Variants in GALNT1 observed in about 807,000 individuals in gnomAD.
GALNT1 encodes GalNAc transferase 1.
In GALNT1, 17 loss-of-function variants were observed where a neutral mutation model predicts 65.7. The observed-to-expected ratio is 0.26, with a 90% CI of 0.18 to 0.39. The LOEUF is 0.39. GALNT1 is among the 10% of genes least tolerant of loss of function. The pLI is 1.00. For synonymous variants in GALNT1, 210 were observed against 219.7 expected (o/e 0.96, Z 0.39); for missense variants, 460 against 672.8 (o/e 0.68, Z 3.50).
chr18:35,615,485 AG>A (rs1328923124), intron 1 of GALNT1, among the ~76,000 whole-genome samples: 1 of 152,228 alleles, frequency 6.6e-6, no homozygotes, highest in East Asian at 1.9e-4. Context: ...ATAAAATATT[AG>A]AGAGTATTTT....
At chr18:35,685,027 G>A (rs987837506) in intron 5 of GALNT1, among the ~76,000 whole-genome samples, 2 of 152,090 alleles carry the variant, frequency 1.3e-5, no homozygotes, top group African/African-American at 4.8e-5. Flanking sequence ...AGTGGCAGAG[G>A]GGAAACAAAT....
Position 35,645,523 on chromosome 18 carries a change from C to A in GALNT1, c.-103-9037C>A, listed in dbSNP as rs926834317. On this transcript the variant is annotated intron_variant, in intron 1 of 11. Transcript: ENST00000269195. ...GGGATTATAGGCGTGAGCTGCCGCACCTGGCCGGTTTATTTTATATATTCT... is the reference window on the plus strand; with the variant it reads ...GGGATTATAGGCGTGAGCTGCCGCAACTGGCCGGTTTATTTTATATATTCT... Among the ~76,000 whole-genome samples the A allele has an allele frequency of 9.5e-4, 144 of 152,260 alleles. 1 individual carries two copies. The highest frequency in any genetic ancestry group is 3.0e-3 in the African/African-American group (125 of 41,542).
chr18:35,641,645 A>G (rs1214801365), intron 1 of GALNT1, among the ~76,000 whole-genome samples: 2 of 152,198 alleles, frequency 1.3e-5, no homozygotes, highest in African/African-American at 4.8e-5. Context: ...TAAGATACCA[A>G]TTACATCAGA....
At chr18:35,678,104 T>C (rs899721364) in intron 4 of GALNT1, among the ~76,000 whole-genome samples, 19 of 152,332 alleles carry the variant, frequency 1.2e-4, no homozygotes, top group Middle Eastern at 3.4e-3. Flanking sequence ...AGAGAGAGAC[T>C]GGATTCTGCT....
At chr18:35,689,763 CTA>C (rs2047927216) in intron 7 of GALNT1, among the ~76,000 whole-genome samples, 2 of 152,282 alleles carry the variant, frequency 1.3e-5, no homozygotes, top group Admixed American at 1.3e-4. Flanking sequence ...TAAAATGACT[CTA>C]AATTAATTTA....
At chr18:35,676,754 T>C (rs1346185809) in intron 3 of GALNT1, among the ~76,000 whole-genome samples, 1 of 152,148 alleles carries the variant, frequency 6.6e-6, no homozygotes, top group Non-Finnish European at 1.5e-5. Context: ...CTAAAGCACA[T>C]CCCTTGATCT....
rs535584944 is a variant in GALNT1 at position 35,685,289 on chromosome 18, A to G, written c.689+1691A>G. Among the ~76,000 whole-genome samples, 3 of 152,290 alleles carry G rather than the reference A, an allele frequency of 2.0e-5. No individual in the cohort carries two copies. In the South Asian group the frequency reaches 6.2e-4, roughly 32 times the overall value. ...TCATGACTGCTTGGTTTAGCGTAAT[A>G]TTACAAAAACTAATTCGTTTAATAC... On this transcript the variant is annotated intron_variant, in intron 5 of 11. Coordinates refer to ENST00000269195, the MANE Select transcript of GALNT1 (RefSeq NM_020474.4).
At chr18:35,593,635 G>A (rs1176352548) in intron 1 of GALNT1, among the ~76,000 whole-genome samples, 1 of 152,032 alleles carries the variant, frequency 6.6e-6, no homozygotes, top group Non-Finnish European at 1.5e-5. Context: ...TCACCTACTA[G>A]GATTTTGCTC....
chr18:35,683,974 T>G (rs1176249092), intron 5 of GALNT1, among the ~76,000 whole-genome samples: 2 of 152,256 alleles, frequency 1.3e-5, no homozygotes, highest in Non-Finnish European at 2.9e-5. Context: ...CAGCTTGTAG[T>G]GCAGCAAGAA....
intron 2 of GALNT1, among the ~76,000 whole-genome samples, chr18:35,658,746 G>C (rs2047433471): frequency 6.8e-6 from 1 of 146,606 alleles, no homozygotes; most frequent in East Asian, 2.0e-4. Context: ...GTCTTACTCT[G>C]TCACCCAGGC....
intron 1 of GALNT1, among the ~76,000 whole-genome samples, chr18:35,637,949 C>T (rs1202230716): frequency 6.6e-6 from 1 of 152,164 alleles, no homozygotes; most frequent in Non-Finnish European, 1.5e-5. Context: ...ACAACAAAGG[C>T]TGGATGACAG....
intron 1 of GALNT1, among the ~76,000 whole-genome samples, chr18:35,598,844 CCAA>C (rs1307951734): frequency 6.6e-6 from 1 of 152,166 alleles, no homozygotes; most frequent in Non-Finnish European, 1.5e-5. Context: ...TACATTCCCA[CCAA>C]CAGCATATAA....
chr18:35,644,988 CTCAAAATAAATAAATAAGTAAATGAATAA>C, intron 1 of GALNT1, among the ~76,000 whole-genome samples: 1 of 151,928 alleles, frequency 6.6e-6, no homozygotes, highest in East Asian at 1.9e-4. Context: ...AAGACTCTGT[CTCAAAATAAATAAATAAGTAAATGAATAA>C]ATAAATAAAT....
At chr18:35,610,916 A>G (rs1380489139) in intron 1 of GALNT1, among the ~76,000 whole-genome samples, 1 of 152,150 alleles carries the variant, frequency 6.6e-6, no homozygotes, top group Non-Finnish European at 1.5e-5. Context: ...GATACTGCAT[A>G]TCATGTAGCC....
intron 3 of GALNT1, among the ~76,000 whole-genome samples, chr18:35,665,567 C>G: frequency 6.6e-6 from 1 of 152,132 alleles, no homozygotes; most frequent in East Asian, 1.9e-4. Flanking sequence ...ACTTTCAGAA[C>G]ACTGAGGATT....
chr18:35,633,108 G>A (rs1343908821), intron 1 of GALNT1, among the ~76,000 whole-genome samples: 1 of 152,070 alleles, frequency 6.6e-6, no homozygotes, highest in Non-Finnish European at 1.5e-5. Context: ...ACTGTAAACT[G>A]GTTCAACCAT....
chr18:35,693,028 T>G (rs2047993399), intron 9 of GALNT1, among the ~76,000 whole-genome samples: 1 of 152,190 alleles, frequency 6.6e-6, no homozygotes, highest in Admixed American at 6.5e-5. Context: ...GATCTTACAG[T>G]CCATGAGTAA....
At chr18:35,681,187 T>C (rs1053551009) in intron 4 of GALNT1, among the ~76,000 whole-genome samples, 1 of 152,176 alleles carries the variant, frequency 6.6e-6, no homozygotes, top group African/African-American at 2.4e-5. Context: ...GAGAAATGCA[T>C]AGGGATCCAT....
chr18:35,666,097 G>T (rs1568027650), intron 3 of GALNT1, among the ~76,000 whole-genome samples: 1 of 152,142 alleles, frequency 6.6e-6, no homozygotes, highest in African/African-American at 2.4e-5. Context: ...TGAATGTCTA[G>T]AGTAGATTTA....
Sources: allele counts gnomAD v4.1 joint callset (sites outside exome capture counted in the v4.1 genomes callset), GRCh38; gene constraint gnomAD v4.1.1; transcripts MANE v1.5; gene names NCBI Gene and HGNC (gene_info 2026-07-23, HGNC 2026-07-21).